The following CEP290 variants were observed in gnomAD, a reference collection of about 807,000 sequenced individuals.
The protein encoded by CEP290 is centrosomal protein 290, also known as centrosomal protein of 290 kDa.
CEP290 carries 317 observed loss-of-function variants against 344.9 expected under a neutral mutation model. The ratio of observed to expected loss-of-function variants is 0.92; its 90% CI spans 0.84 to 1.01. The LOEUF is 1.01. CEP290 is among the 50% of genes least tolerant of loss of function. CEP290 has a pLI of 0.00. For missense variants in CEP290, 2,754 were observed against 2,761.4 expected (o/e 1.00, Z 0.06); for synonymous variants, 932 against 895.8 (o/e 1.04, Z -0.72).
intron 26 of CEP290, among the ~76,000 whole-genome samples, chr12:88,101,940 C>T (rs2137525260): frequency 6.6e-6 from 1 of 152,248 alleles, no homozygotes; most frequent in East Asian, 1.9e-4. Context: ...TATTGATAAA[C>T]ATGACTCATA....
At chr12:88,069,185 A>G (rs2035177695) in intron 43 of CEP290, among the ~76,000 whole-genome samples, 1 of 152,082 alleles carries the variant, frequency 6.6e-6, no homozygotes, top group South Asian at 2.1e-4. Flanking sequence ...GTAAATACAA[A>G]TCCACTCTTA....
chr12:88,103,004 GC>G lies in CEP290; in HGVS notation c.2824del (p.Ala942ProfsTer12). On this transcript the variant is annotated frameshift_variant, in exon 26 of 54. Coordinates refer to ENST00000552810, the MANE Select transcript of CEP290 (RefSeq NM_025114.4). LOFTEE classifies it high-confidence loss of function. ...IGCLQRFKEM[A>X]IFKIAALQKV... is the part of the protein sequence containing the mutation. ...TTGGAGAGCTGCAATCTTGAAAATG[GC>G]CATTTCCTATGTAAATAAAGATACA... 1 of 1,542,952 alleles carries G rather than the reference GC, an allele frequency of 6.5e-7. No individual in the cohort carries two copies. Among genetic ancestry groups the G allele is most frequent in the East Asian group, 2.4e-5 (1 of 41,408 alleles).
At chr12:88,139,019 A>G in intron 5 of CEP290, 126 bp downstream of exon 5, 1 of 584,464 alleles carries the variant, frequency 1.7e-6, no homozygotes, top group Non-Finnish European at 3.1e-6. Context: ...CATATACAGA[A>G]TAAACAAATA....
chr12:88,081,718 A>G (rs2036213503), intron 37 of CEP290, among the ~76,000 whole-genome samples: 1 of 152,214 alleles, frequency 6.6e-6, no homozygotes, highest in Non-Finnish European at 1.5e-5. Context: ...GACTAAAATG[A>G]CGTAAGGTAC....
At chr12:88,129,159 C>CTTG in intron 10 of CEP290, 124 bp from the exon 11 acceptor site, 2 of 438,510 alleles carry the variant, frequency 4.6e-6, no homozygotes, top group South Asian at 6.7e-5. Context: ...CGTATTCATA[C>CTTG]TTATATACAC....
rs1592784319 is a variant in CEP290 at position 88,071,796 on chromosome 12, T to C, written c.5840A>G (p.Lys1947Arg). The C allele has an allele frequency of 6.3e-7, 1 of 1,595,422 alleles. No individual in the cohort carries two copies. The highest frequency in any genetic ancestry group is 1.3e-5 in the African/African-American group (1 of 74,170). ...FTLTKQLNTL[K>R]DLFAKADKEK... ...TTAAACTCACTTGGCAAAAAGATCC[T>C]TCAAAGTATTCAACTGCTTTGTTAA... The change falls in exon 42 of 54, where the codon AAG becomes AGG. Residue 1947 changes from lysine (K) to arginine (R), a missense_variant. By Grantham distance (26) the Lys-to-Arg change is conservative. Transcript: ENST00000552810.
chr12:88,087,892 A>C lies in CEP290; in HGVS notation c.4082T>G (p.Leu1361Arg). The part of the protein sequence containing the change: ...IEELRLQELK[L>R]NRELVKDKEE... ...TTTATCCTTGACTAATTCCCGATTT[A>C]GTTTAAGTTCTTGAAGACGAAGTTC... Residue 1361 changes from leucine (L) to arginine (R), a missense_variant, in exon 32 of 54, where the codon CTA becomes CGA. Leu to Arg is a moderately radical substitution (Grantham distance 102). Coordinates refer to ENST00000552810, the MANE Select transcript of CEP290 (RefSeq NM_025114.4). 4.1e-6 allele frequency: 5 copies of C among 1,233,836 alleles called. No individual in the cohort carries two copies. The highest frequency in any genetic ancestry group is 5.2e-6 in the Non-Finnish European group (5 of 964,722). The allele number at this position is 1,233,836 out of a possible 1,614,324, so 76.4% of individuals were successfully genotyped here.
intron 10 of CEP290, 136 bp from the exon 11 acceptor site, chr12:88,129,171 T>C: frequency 2.4e-6 from 1 of 411,084 alleles, no homozygotes; most frequent in Non-Finnish European, 4.2e-6. Flanking sequence ...TATATACACA[T>C]ACATACGGAT....
chr12:88,115,584 T>C, intron 18 of CEP290: 1 of 1,273,224 alleles, frequency 7.9e-7, no homozygotes, highest in Non-Finnish European at 1.0e-6. Flanking sequence ...AAGAAAAATT[T>C]AATAAATTAG....
Position 88,129,789 on chromosome 12 carries a change from T to C in CEP290, c.757A>G (p.Met253Val). 1 of 1,484,292 alleles carries C rather than the reference T, an allele frequency of 6.7e-7. No individual in the cohort carries two copies. The allele number at this position is 1,484,292 out of a possible 1,614,324, so 91.9% of individuals were successfully genotyped here. A position where few individuals can be genotyped will look rare whatever the true frequency, so the allele number is the denominator to read the frequency against. The change falls in exon 10 of 54, where the codon ATG (methionine) becomes GTG (valine). Residue 253 changes from methionine (M) to valine (V), a missense_variant. Coordinates refer to ENST00000552810, the MANE Select transcript of CEP290 (RefSeq NM_025114.4). ...TTCATTCTATTATATTCATCAGTCA[T>C]CTTCTCCATTTCCTGTACAGACTCT... ...LEESVQEMEKMTDEYNRMKAI... is the reference protein window; with the variant it reads ...LEESVQEMEKVTDEYNRMKAI...
At chr12:88,131,563 A>G (rs2040074926) in intron 6 of CEP290, among the ~76,000 whole-genome samples, 1 of 152,170 alleles carries the variant, frequency 6.6e-6, no homozygotes, top group South Asian at 2.1e-4. Flanking sequence ...GTGCCTGGCC[A>G]TCAGCAGTAA....
chr12:88,090,740 C>A lies in CEP290; in HGVS notation c.3561G>T (p.Leu1187=), dbSNP rs771857714. ...ATACTGCACATACCTGATAGTCTAG[C>A]AGTTGCATTCTGAGGGACTCTACTT... ...DKEVESLRMQ[L]LDYQAQSDEK... Residue 1187 remains leucine, a synonymous_variant, in exon 30 of 54, where the codon CTG becomes CTT. Transcript: ENST00000552810. 1.9e-6 allele frequency: 3 copies of A among 1,551,634 alleles called. No homozygotes were observed. The highest frequency in any genetic ancestry group is 1.4e-5 in the African/African-American group (1 of 73,790).
chr12:88,076,222 C>T (rs2035760142), intron 41 of CEP290, among the ~76,000 whole-genome samples: 1 of 152,206 alleles, frequency 6.6e-6, no homozygotes, highest in South Asian at 2.1e-4. Flanking sequence ...CTTCTGACAG[C>T]AAGCATGTTG....
chr12:88,049,133 A>AACTT lies in CEP290; in HGVS notation c.*47_*50dup, dbSNP rs1441322689. 20 of 1,101,108 alleles carry AACTT rather than the reference A, an allele frequency of 1.8e-5. No homozygotes were observed. The highest frequency in any genetic ancestry group is 3.1e-4 in the Middle Eastern group (1 of 3,270). The allele number at this position is 1,101,108 out of a possible 1,614,324, so 68.2% of individuals were successfully genotyped here. On this transcript the variant is annotated 3_prime_UTR_variant, in exon 54 of 54. Transcript: ENST00000552810. ...GAACTGCTTATTTCCAAGTATATTT[A>AACTT]ACTTATAAAGTTAATAAATAGTTAA... is the stretch of plus-strand genomic sequence containing the variant.
At chr12:88,053,509 G>A (rs2033732931) in intron 52 of CEP290, 143 bp downstream of exon 52, 1 of 603,406 alleles carries the variant, frequency 1.7e-6, no homozygotes, top group East Asian at 2.8e-5. Context: ...TAATAGCACA[G>A]AGAGACAAAA....
rs1565870182 is a variant in CEP290 at position 88,102,768 on chromosome 12, T to TC, written c.2991+69dup. On this transcript the variant is annotated intron_variant, in intron 26 of 53. Transcript: ENST00000552810. ...CAAACTTTAATTAAAATCTGCCAAA[T>TC]CCCCCCAAACACAAAAATATTGAAG... 3 of 1,299,544 alleles carry TC rather than the reference T, an allele frequency of 2.3e-6. No homozygotes were observed. In the Admixed American group the frequency reaches 6.7e-5, roughly 29 times the overall value. The allele number at this position is 1,299,544 out of a possible 1,614,324, so 80.5% of individuals were successfully genotyped here.
At chr12:88,051,235 GC>G (rs1196054004) in intron 52 of CEP290, among the ~76,000 whole-genome samples, 2 of 127,162 alleles carry the variant, frequency 1.6e-5, no homozygotes, top group African/African-American at 3.0e-5. Flanking sequence ...TCACTCTGTC[GC>G]CCAGGCTAGA....
chr12:88,082,690 T>C (rs573324201), intron 37 of CEP290, among the ~76,000 whole-genome samples: 146 of 152,166 alleles, frequency 9.6e-4, no homozygotes, highest in African/African-American at 3.4e-3. Flanking sequence ...CCAGACCTTG[T>C]CTCAAAAATA....
chr12:88,109,146 T>C lies in CEP290; in HGVS notation c.2403A>G (p.Leu801=). The change falls in exon 23 of 54, where the codon TTA becomes TTG. Residue 801 remains leucine, a synonymous_variant. Coordinates refer to ENST00000552810, the MANE Select transcript of CEP290 (RefSeq NM_025114.4). ...TGTTGTAATCTTCAAGAGAATCTTCTAAATTCTTTAACTTTTTTTCTTTAT... is the reference window on the plus strand; with the variant it reads ...TGTTGTAATCTTCAAGAGAATCTTCCAAATTCTTTAACTTTTTTTCTTTAT... ...LENKEKKLKN[L]EDSLEDYNRK... 7.0e-7 allele frequency: 1 copy of C among 1,420,258 alleles called. No individual in the cohort carries two copies. The highest frequency in any genetic ancestry group is 9.4e-7 in the Non-Finnish European group (1 of 1,058,504). The allele number at this position is 1,420,258 out of a possible 1,614,324, so 88.0% of individuals were successfully genotyped here.
Sources: allele counts gnomAD v4.1 joint callset (sites outside exome capture counted in the v4.1 genomes callset), GRCh38; gene constraint gnomAD v4.1.1; transcripts MANE v1.5; gene names NCBI Gene and HGNC (gene_info 2026-07-23, HGNC 2026-07-21).